Variants in ZNF35 observed in about 807,000 individuals in gnomAD.
ZNF35 encodes zinc finger protein 35, also known as zinc finger protein 35 (clone HF.10).
ZNF35 carries 31 observed loss-of-function variants against 45.9 expected under a neutral mutation model. That is an observed-to-expected ratio of 0.68 (90% CI 0.51 to 0.91). ZNF35 has a LOEUF of 0.91. Among genes scored for constraint, ZNF35 ranks in the 40% least tolerant of loss-of-function variants. ZNF35 has a pLI of 0.00. For synonymous variants in ZNF35, 205 were observed against 220.2 expected (o/e 0.93, Z 0.61); for missense variants, 515 against 625.4 (o/e 0.82, Z 1.88).
At chr3:44,650,834 C>T (rs986032889) in intron 1 of ZNF35, 107 bp from the exon 2 acceptor site, 6 of 459,312 alleles carry the variant, frequency 1.3e-5, no homozygotes, top group Non-Finnish European at 2.3e-5. Flanking sequence ...CTACATTGGC[C>T]CCTGGCCAGG....
rs761598072 is a variant in ZNF35 at position 44,651,234 on chromosome 3, T to C, written c.167T>C (p.Leu56Pro). 1 of 1,613,352 alleles carries C rather than the reference T, an allele frequency of 6.2e-7. No homozygotes were observed. Among genetic ancestry groups the C allele is most frequent in the Non-Finnish European group, 8.5e-7 (1 of 1,179,800 alleles). Residue 56 changes from leucine (L) to proline (P), a missense_variant, in exon 2 of 4, where the codon CTT (leucine) becomes CCT (proline). This residue lies in a region of ZNF35 where 275 missense variants were observed against 295.7 expected (regional missense o/e 0.93). Coordinates refer to ENST00000396056, the MANE Select transcript of ZNF35 (RefSeq NM_003420.4). ...CCAGTGCAGGGTCTTCAGACAGGCC[T>C]TGATGGATCAGAAGAGGAAGAAAAG... ...WAPVQGLQTG[L>P]DGSEEEEKGQ...
chr3:44,657,849 C>G (rs1703336327), intron 3 of ZNF35, among the ~76,000 whole-genome samples: 1 of 152,202 alleles, frequency 6.6e-6, no homozygotes, highest in African/African-American at 2.4e-5. Context: ...ACAACATCAT[C>G]AGTCAGCCTG....
In ZNF35 at chr3:44,659,887, T is replaced by C. The variant is rs773224729; in HGVS notation, c.1524T>C (p.Gly508=). The part of the protein sequence containing the change: ...GEKPYECEKC[G]AAFISNSHLM... ...AGCCCTATGAATGTGAGAAGTGTGGTGCAGCTTTCATTTCCAACTCACACC... is the reference window on the plus strand; with the variant it reads ...AGCCCTATGAATGTGAGAAGTGTGGCGCAGCTTTCATTTCCAACTCACACC... The change falls in exon 4 of 4, where the codon GGT becomes GGC. Residue 508 remains glycine, a synonymous_variant. Coordinates refer to ENST00000396056, the MANE Select transcript of ZNF35 (RefSeq NM_003420.4). This position sits in a 1 kb window ranked among gnomAD's most constrained non-coding sequence, Gnocchi z 4.3. 6.2e-7 allele frequency: 1 copy of C among 1,601,200 alleles called. No homozygotes were observed. Among genetic ancestry groups the C allele is most frequent in the Non-Finnish European group, 8.5e-7 (1 of 1,173,490 alleles).
intron 2 of ZNF35, 78 bp from the exon 3 acceptor site, chr3:44,652,479 T>G (rs780367694): frequency 3.3e-5 from 45 of 1,348,684 alleles, no homozygotes; most frequent in African/African-American, 4.5e-5. Flanking sequence ...TAGATAATTA[T>G]GTTCTCATTC....
chr3:44,651,161 C>T lies in ZNF35; in HGVS notation c.94C>T (p.Gln32Ter). 6.2e-7 allele frequency: 1 copy of T among 1,614,156 alleles called. No individual in the cohort carries two copies. The highest frequency in any genetic ancestry group is 8.5e-7 in the Non-Finnish European group (1 of 1,180,026). ...GGAAGAAGAAGAAAACTTCCCAGGT[C>T]AGGCATCCAGCCAACAAGTGCACTC... The part of the protein sequence containing the change: ...EEEEEENFPG[Q>*]ASSQQVHSEN... The change falls in exon 2 of 4, where the codon CAG becomes TAG. Residue 32 changes from glutamine (Q) to a stop codon, truncating the protein, a stop_gained. Transcript: ENST00000396056. LOFTEE classifies it high-confidence loss of function.
In ZNF35 at chr3:44,659,323, A is replaced by G. The variant is rs1487467433; in HGVS notation, c.960A>G (p.Gln320=). The G allele has an allele frequency of 8.1e-6, 13 of 1,614,036 alleles. No individual in the cohort carries two copies. The highest frequency in any genetic ancestry group is 1.1e-5 in the Non-Finnish European group (13 of 1,180,038). ...ECEKAFSYSS[Q]LARHQKVHIT... is the part of the protein sequence containing the mutation. ...AGAAAGCCTTTAGTTACAGCTCACAACTTGCTCGGCACCAGAAAGTCCACA... is the reference window on the plus strand; with the variant it reads ...AGAAAGCCTTTAGTTACAGCTCACAGCTTGCTCGGCACCAGAAAGTCCACA... The change falls in exon 4 of 4, where the codon CAA becomes CAG. Residue 320 remains glutamine (Q), a synonymous_variant. Transcript: ENST00000396056. This position sits in a 1 kb window ranked among gnomAD's most constrained non-coding sequence, Gnocchi z 4.3.
Position 44,658,825 on chromosome 3 carries a change from A to C in ZNF35, c.462A>C (p.Glu154Asp), listed in dbSNP as rs1161842605. Reference sequence around the variant, plus strand: ...ATCCTCAAGGACCTGAGTTAGGAGAAGCTTGTGAAAAGGGAAACATGTTAA... The same window carrying C: ...ATCCTCAAGGACCTGAGTTAGGAGACGCTTGTGAAAAGGGAAACATGTTAA... ...KADPQGPELG[E>D]ACEKGNMLKR... Residue 154 changes from glutamate to aspartate, a missense_variant, in exon 4 of 4, where the codon GAA becomes GAC. Glu to Asp is a conservative substitution (Grantham distance 45). Coordinates refer to ENST00000396056, the MANE Select transcript of ZNF35 (RefSeq NM_003420.4). 1.2e-6 allele frequency: 2 copies of C among 1,613,732 alleles called. No homozygotes were observed. The highest frequency in any genetic ancestry group is 1.7e-6 in the Non-Finnish European group (2 of 1,179,960).
rs1356207113 is a variant in ZNF35 at position 44,650,966 on chromosome 3, G to A, written c.-102G>A. On this transcript the variant is annotated 5_prime_UTR_variant, in exon 2 of 4. Transcript: ENST00000396056. Reference sequence around the variant, plus strand: ...TAGGCAGTACTCATCTTGGCCCTGGGAAGAAACTCAAGAAGAAGCTTTTGA... The same window carrying A: ...TAGGCAGTACTCATCTTGGCCCTGGAAAGAAACTCAAGAAGAAGCTTTTGA... 4 of 1,193,240 alleles carry A rather than the reference G, an allele frequency of 3.4e-6. No individual in the cohort carries two copies. Among genetic ancestry groups the A allele is most frequent in the Non-Finnish European group, 4.6e-6 (4 of 861,560 alleles). The allele number at this position is 1,193,240 out of a possible 1,614,324, so 73.9% of individuals were successfully genotyped here.
intron 3 of ZNF35, 57 bp downstream of exon 3, chr3:44,652,758 C>T (rs1703227622): frequency 6.8e-7 from 1 of 1,473,988 alleles, no homozygotes; most frequent in Non-Finnish European, 9.0e-7. Context: ...AAAATCTTTT[C>T]AGAGACTGGT....
At chr3:44,648,229 C>CG (rs1703070355), upstream of ZNF35, 1 of 151,822 alleles carries the variant, frequency 6.6e-6, no homozygotes, top group African/African-American at 2.4e-5. Context: ...TTACCTGTGA[C>CG]GGTGGTGGTA....
chr3:44,650,976 A>G lies in ZNF35; in HGVS notation c.-92A>G. 1 of 1,309,128 alleles carries G rather than the reference A, an allele frequency of 7.6e-7. No homozygotes were observed. Among genetic ancestry groups the G allele is most frequent in the Non-Finnish European group, 1.0e-6 (1 of 961,458 alleles). The allele number at this position is 1,309,128 out of a possible 1,614,324, so 81.1% of individuals were successfully genotyped here. On this transcript the variant is annotated 5_prime_UTR_variant, in exon 2 of 4. Transcript: ENST00000396056. ...TCATCTTGGCCCTGGGAAGAAACTC[A>G]AGAAGAAGCTTTTGAAACATAAAGC...
chr3:44,659,787 CAT>C lies in ZNF35; in HGVS notation c.1425_1426del (p.Cys476Ter). 1 of 1,610,104 alleles carries C rather than the reference CAT, an allele frequency of 6.2e-7. No individual in the cohort carries two copies. The highest frequency in any genetic ancestry group is 1.1e-5 in the South Asian group (1 of 90,280). On this transcript the variant is annotated frameshift_variant, in exon 4 of 4. Coordinates refer to ENST00000396056, the MANE Select transcript of ZNF35 (RefSeq NM_003420.4). LOFTEE classifies it high-confidence loss of function. This position sits in a 1 kb window ranked among gnomAD's most constrained non-coding sequence, Gnocchi z 4.3. ...ATTCATAATGGAGAAAAACCTTACA[CAT>C]GTAATGAGTGTGGGAAGGCCTTCAG...
chr3:44,653,516 C>T (rs1703243112), intron 3 of ZNF35, among the ~76,000 whole-genome samples: 2 of 152,190 alleles, frequency 1.3e-5, no homozygotes, highest in Admixed American at 1.3e-4. Flanking sequence ...GGTGAGCCTG[C>T]AAGAGATGCT....
In ZNF35 at chr3:44,659,970, C is replaced by T; in HGVS notation, c.*23C>T. The T allele has an allele frequency of 6.6e-7, 1 of 1,523,580 alleles. No homozygotes were observed. The highest frequency in any genetic ancestry group is 8.8e-7 in the Non-Finnish European group (1 of 1,136,604). The allele number at this position is 1,523,580 out of a possible 1,614,324, so 94.4% of individuals were successfully genotyped here. A position where few individuals can be genotyped will look rare whatever the true frequency, so the allele number is the denominator to read the frequency against. On this transcript the variant is annotated 3_prime_UTR_variant, in exon 4 of 4. Coordinates refer to ENST00000396056, the MANE Select transcript of ZNF35 (RefSeq NM_003420.4). This position sits in a 1 kb window ranked among gnomAD's most constrained non-coding sequence, Gnocchi z 4.3. ...TAACAAGTAAGGAAGAGGAAGACCT[C>T]CAGCATTGGTCATAACCTTCTGCCT... is the stretch of plus-strand genomic sequence containing the variant.
rs757150860 is a variant in ZNF35 at position 44,651,074 on chromosome 3, G to A, written c.7G>A (p.Ala3Thr). Residue 3 changes from alanine to threonine, a missense_variant, in exon 2 of 4, where the codon GCA (alanine) becomes ACA (threonine). Around this residue, in one of 3 missense-constraint regions of ZNF35, gnomAD observed 275 missense variants for 295.7 expected, o/e 0.93. Transcript: ENST00000396056. Reference sequence around the variant, plus strand: ...CCCCTGCTGAGCAGAGAAGATGACTGCAGAATTGAGAGAAGCCATGGCCCT... The same window carrying A: ...CCCCTGCTGAGCAGAGAAGATGACTACAGAATTGAGAGAAGCCATGGCCCT... MTAELREAMALAP... is the reference protein window; with the variant it reads MTTELREAMALAP... 1 of 1,613,522 alleles carries A rather than the reference G, an allele frequency of 6.2e-7. No individual in the cohort carries two copies. The highest frequency in any genetic ancestry group is 1.1e-5 in the South Asian group (1 of 91,058).
chr3:44,652,739 G>C, intron 3 of ZNF35, 38 bp downstream of exon 3: 1 of 1,496,016 alleles, frequency 6.7e-7, no homozygotes, highest in Non-Finnish European at 8.9e-7. Flanking sequence ...CTGACCATTG[G>C]GGTTTCTCAA....
chr3:44,649,017 C>T (rs979486537), intron 1 of ZNF35, among the ~76,000 whole-genome samples, 183 bp downstream of exon 1: 85 of 152,208 alleles, frequency 5.6e-4, no homozygotes, highest in Non-Finnish European at 6.6e-4. Context: ...CACCTGGGGC[C>T]TGGTCCGGGA....
intron 1 of ZNF35, 21 bp from the exon 2 acceptor site, chr3:44,650,920 C>G: frequency 1.3e-6 from 1 of 774,446 alleles, no homozygotes. Flanking sequence ...TTGGTGCTAA[C>G]AGTGTTTTCT....
At chr3:44,647,688 A>G (rs1703038297), upstream of ZNF35, 1 of 152,210 alleles carries the variant, frequency 6.6e-6, no homozygotes, top group East Asian at 1.9e-4. Context: ...CTGAGTGAAA[A>G]TAATCACAAA....
Sources: gnomAD v4.1 joint callset for allele counts (sites outside exome capture counted in the v4.1 genomes callset) on GRCh38, gnomAD v4.1.1 for gene constraint, gnomAD v4.1.1 regional missense constraint, Gnocchi (gnomAD v3.1) non-coding constraint, MANE v1.5 for transcripts, NCBI Gene and HGNC (gene_info 2026-07-23, HGNC 2026-07-21) for gene names.